GULP1: variants seen among roughly 807,000 people sequenced by gnomAD.
GULP1 encodes GULP PTB domain containing engulfment adaptor 1.
In GULP1, 19 loss-of-function variants were observed where a neutral mutation model predicts 40.9. The observed-to-expected ratio is 0.46, with a 90% confidence interval of 0.32 to 0.68. The LOEUF is 0.68. GULP1 is among the 30% of genes least tolerant of loss of function. The pLI, the probability that GULP1 is intolerant of heterozygous loss-of-function variation, is 0.03. For missense variants in GULP1, 312 were observed against 362.2 expected (o/e 0.86, Z 1.12); for synonymous variants, 119 against 117.6 (o/e 1.01, Z -0.08).
chr2:188,411,798 A>G (rs948534721), intron 2 of GULP1, among the ~76,000 whole-genome samples: 2 of 152,218 alleles, frequency 1.3e-5, no homozygotes, highest in South Asian at 2.1e-4. Flanking sequence ...TGCAAAGTGC[A>G]CAACAAGGTG....
chr2:188,404,488 C>A (rs909138716), intron 2 of GULP1, among the ~76,000 whole-genome samples: 2 of 152,076 alleles, frequency 1.3e-5, no homozygotes, highest in Non-Finnish European at 2.9e-5. Context: ...TGCCTCGGAT[C>A]TGAACACTGG....
In GULP1 at chr2:188,455,882, G is replaced by T. The variant is rs187088760; in HGVS notation, c.-44-21777G>T. Among the ~76,000 whole-genome samples, 315 of 152,324 alleles carry T rather than the reference G, an allele frequency of 2.1e-3. 1 individual carries two copies. The highest frequency in any genetic ancestry group is 2.7e-3 in the Non-Finnish European group (186 of 68,024). ...ATAGCCATATGGACAATAAAGTCCA[G>T]GCTGAGTTGGTCTCAGGTGAAGAGG... On this transcript the variant is annotated intron_variant, in intron 2 of 11. Transcript: ENST00000409830.
chr2:188,555,780 G>T (rs1031619299), intron 7 of GULP1, among the ~76,000 whole-genome samples: 6 of 152,238 alleles, frequency 3.9e-5, no homozygotes, highest in Admixed American at 3.9e-4. Context: ...TTTCATCTAG[G>T]CTGGGTGTGG....
At chr2:188,565,694 A>G (rs1452430215) in intron 7 of GULP1, among the ~76,000 whole-genome samples, 1 of 152,098 alleles carries the variant, frequency 6.6e-6, no homozygotes, top group African/African-American at 2.4e-5. Flanking sequence ...CCAAGAGACA[A>G]GAAAACATAT....
chr2:188,463,903 T>A (rs1173733532), intron 2 of GULP1, among the ~76,000 whole-genome samples: 1 of 152,206 alleles, frequency 6.6e-6, no homozygotes, highest in African/African-American at 2.4e-5. Flanking sequence ...GAATTTTGAA[T>A]TCCTTCTCTG....
At chr2:188,547,977 C>A (rs1692414141) in intron 7 of GULP1, among the ~76,000 whole-genome samples, 2 of 151,938 alleles carry the variant, frequency 1.3e-5, no homozygotes, top group South Asian at 4.2e-4. Flanking sequence ...ATGGAAAGAA[C>A]TTCCTCAATT....
At chr2:188,322,504 T>G (rs750793324) in intron 1 of GULP1, among the ~76,000 whole-genome samples, 1 of 152,192 alleles carries the variant, frequency 6.6e-6, no homozygotes, top group Non-Finnish European at 1.5e-5. Flanking sequence ...ATAACGTGGC[T>G]GGATATAATA....
chr2:188,488,693 C>T (rs2062074001), intron 4 of GULP1, among the ~76,000 whole-genome samples: 1 of 152,050 alleles, frequency 6.6e-6, no homozygotes, highest in Non-Finnish European at 1.5e-5. Context: ...TGAAGCACAA[C>T]AGGAGACTCA....
intron 1 of GULP1, among the ~76,000 whole-genome samples, chr2:188,345,474 A>G (rs954708647): frequency 3.3e-5 from 5 of 152,238 alleles, no homozygotes; most frequent in Admixed American, 6.5e-5. Context: ...AATTTTTTAA[A>G]AAAGAAATAA....
chr2:188,401,024 G>C (rs1160043584), intron 2 of GULP1, among the ~76,000 whole-genome samples: 1 of 150,012 alleles, frequency 6.7e-6, no homozygotes, highest in Non-Finnish European at 1.5e-5. Context: ...TTTTAGTTTT[G>C]GTTGCTGTGA....
At chr2:188,364,424 G>A (rs542745215) in intron 1 of GULP1, among the ~76,000 whole-genome samples, 2 of 152,108 alleles carry the variant, frequency 1.3e-5, no homozygotes, top group African/African-American at 2.4e-5. Context: ...GTCAGCCTTC[G>A]CATCTGTGTA....
intron 1 of GULP1, among the ~76,000 whole-genome samples, chr2:188,355,314 C>A (rs1000445635): frequency 3.3e-5 from 5 of 151,500 alleles, no homozygotes; most frequent in Admixed American, 3.3e-4. Flanking sequence ...GAGAAAAGAC[C>A]AAAATAAATA....
chr2:188,544,377 C>A (rs935263179), intron 7 of GULP1, among the ~76,000 whole-genome samples: 1 of 151,854 alleles, frequency 6.6e-6, no homozygotes, highest in Non-Finnish European at 1.5e-5. Flanking sequence ...AAAATCTTAT[C>A]AAACAGAAAA....
intron 2 of GULP1, among the ~76,000 whole-genome samples, chr2:188,415,049 A>G (rs1443212848): frequency 6.6e-6 from 1 of 152,172 alleles, no homozygotes; most frequent in Non-Finnish European, 1.5e-5. Flanking sequence ...TTTAAAGATG[A>G]TTTATAGCAG....
intron 1 of GULP1, among the ~76,000 whole-genome samples, chr2:188,334,675 C>T (rs1032709367): frequency 6.6e-6 from 1 of 152,114 alleles, no homozygotes; most frequent in Non-Finnish European, 1.5e-5. Context: ...TGTCCATGAC[C>T]GACTATATCA....
At chr2:188,394,964 G>T (rs2051029547) in intron 2 of GULP1, among the ~76,000 whole-genome samples, 2 of 152,152 alleles carry the variant, frequency 1.3e-5, no homozygotes, top group Admixed American at 6.5e-5. Flanking sequence ...ACATTTTTAT[G>T]TATTTATTTT....
At chr2:188,421,420 G>A (rs1425682398) in intron 2 of GULP1, among the ~76,000 whole-genome samples, 2 of 152,036 alleles carry the variant, frequency 1.3e-5, no homozygotes, top group East Asian at 3.9e-4. Flanking sequence ...ATAAAACAAA[G>A]GTAAAATATA....
At chr2:188,564,822 C>T (rs770444782) in intron 7 of GULP1, among the ~76,000 whole-genome samples, 21 of 151,942 alleles carry the variant, frequency 1.4e-4, no homozygotes, top group Non-Finnish European at 2.8e-4. Context: ...TTACCTTAAA[C>T]TCTTATCAAG....
In GULP1 at chr2:188,387,368, G is replaced by T. The variant is rs543098124; in HGVS notation, c.-45+3479G>T. ...TTTATTGAAAACTTATACTTATCAAGCACTGTGATTAGCAATGGCAGTGAG... is the reference window on the plus strand; with the variant it reads ...TTTATTGAAAACTTATACTTATCAATCACTGTGATTAGCAATGGCAGTGAG... On this transcript the variant is annotated intron_variant, in intron 2 of 11. Coordinates refer to ENST00000409830, the MANE Select transcript of GULP1 (RefSeq NM_016315.4). 1.1e-3 allele frequency among the ~76,000 whole-genome samples: 166 copies of T among 152,226 alleles called. 2 individuals are homozygous for T. The highest frequency in any genetic ancestry group is 8.1e-3 in the South Asian group (39 of 4,824).
Sources: gnomAD v4.1 joint callset for allele counts (sites outside exome capture counted in the v4.1 genomes callset) on GRCh38, gnomAD v4.1.1 for gene constraint, MANE v1.5 for transcripts, NCBI Gene and HGNC (gene_info 2026-07-23, HGNC 2026-07-21) for gene names.